The following TTN variants were observed in gnomAD, a reference collection of about 807,000 sequenced individuals.
TTN encodes the protein titin, also known as connectin.
In TTN, 1,525 loss-of-function variants were observed where a neutral mutation model predicts 3,223.0. That is an observed-to-expected ratio of 0.47 (90% CI 0.45 to 0.49). TTN has a LOEUF of 0.49. Among genes scored for constraint, TTN ranks in the 20% least tolerant of loss-of-function variants. The pLI, the probability that TTN is intolerant of heterozygous loss-of-function variation, is 0.00. For synonymous variants in TTN, 14,094 were observed against 15,161.0 expected (o/e 0.93, Z 5.17); for missense variants, 40,786 against 43,424.0 (o/e 0.94, Z 5.40).
In TTN at chr2:178,634,168, C is replaced by T. The variant is rs2060138378; in HGVS notation, c.42416-85G>A. ...TCTAATCTGCCTGAGTAAAAGGGAC[C>T]CATTTCACATGGCACTTATTTATTC... On this transcript the variant is annotated intron_variant, in intron 230 of 362. Transcript: ENST00000589042. This position sits in a 1 kb window ranked among gnomAD's most constrained non-coding sequence, Gnocchi z 4.6. 4 of 1,547,678 alleles carry T rather than the reference C, an allele frequency of 2.6e-6. No individual in the cohort carries two copies. Among genetic ancestry groups the T allele is most frequent in the Admixed American group, 2.2e-5 (1 of 45,956 alleles).
chr2:178,778,421 CAAAGCAAAA>C, intron 24 of TTN: 3 of 231,096 alleles, frequency 1.3e-5, no homozygotes, highest in Non-Finnish European at 2.6e-5. Context: ...GGAAACAAAA[CAAAGCAAAA>C]CAAGACTCCA....
rs1474470920 is a variant in TTN, at chr2:178,531,003, T to G, written c.105612A>C (p.Glu35204Asp). The stretch of plus-strand genomic sequence containing the variant: ...CTGCTTCTTGTTTCCCTTCACTGTT[T>G]TCTACCACCACGCTGTAATTGCCCT... ...SDEGNYSVVV[E>D]NSEGKQEAEF... The change falls in exon 358 of 363, where the codon GAA becomes GAC. Residue 35204 changes from glutamate (E) to aspartate (D), a missense_variant. Coordinates refer to ENST00000589042, the MANE Select transcript of TTN (RefSeq NM_001267550.2). 6.2e-7 allele frequency: 1 copy of G among 1,613,994 alleles called. No homozygotes were observed. The highest frequency in any genetic ancestry group is 8.5e-7 in the Non-Finnish European group (1 of 1,179,892).
At chr2:178,608,935 C>A (rs924542044) in intron 273 of TTN, 27 bp from the exon 274 acceptor site, 9 of 1,589,682 alleles carry the variant, frequency 5.7e-6, no homozygotes, top group African/African-American at 1.4e-5. Context: ...GAACAGTAAT[C>A]AAAAATTTGT....
In TTN at chr2:178,607,915, G is replaced by A. The variant is rs1361834918; in HGVS notation, c.52872C>T (p.Ile17624=). Residue 17624 remains isoleucine (I), a synonymous_variant, in exon 276 of 363, where the codon ATC becomes ATT. Transcript: ENST00000589042. ...NEWSRCTEKM[I]KVRQYTVKEI... ...CTTTGACGGTGTACTGACGGACCTTGATCATCTTCTCTGTGCAGCGTGACC... is the reference window on the plus strand; with the variant it reads ...CTTTGACGGTGTACTGACGGACCTTAATCATCTTCTCTGTGCAGCGTGACC... 1.2e-6 allele frequency: 2 copies of A among 1,613,060 alleles called. No homozygotes were observed. The highest frequency in any genetic ancestry group is 1.7e-6 in the Non-Finnish European group (2 of 1,179,330).
chr2:178,664,129 A>G, intron 168 of TTN, 31 bp from the exon 169 acceptor site: 1 of 1,573,484 alleles, frequency 6.4e-7, no homozygotes, highest in African/African-American at 1.4e-5. Flanking sequence ...TTACACTCAG[A>G]AAATACAGAG....
At chr2:178,751,637 G>C in intron 47 of TTN, 1 of 1,613,316 alleles carries the variant, frequency 6.2e-7, no homozygotes, top group Non-Finnish European at 8.5e-7. Context: ...TGATTCTGCA[G>C]ACCCTTCACT....
rs2064900309 is a variant in TTN, at chr2:178,662,366, G to A, written c.37011C>T (p.Pro12337=). The A allele has an allele frequency of 3.4e-6, 5 of 1,484,150 alleles. No individual in the cohort carries two copies. The highest frequency in any genetic ancestry group is 4.4e-6 in the Non-Finnish European group (5 of 1,126,338). The allele number at this position is 1,484,150 out of a possible 1,614,324, so 91.9% of individuals were successfully genotyped here. The change falls in exon 177 of 363, where the codon CCC becomes CCT. Residue 12337 remains proline (P), a synonymous_variant. Transcript: ENST00000589042. ...GGACAATTGGAGCTTCTGGTTTTTT[G>A]GGTGGAGCCACGGGAATTTCTTTTT... is the stretch of plus-strand genomic sequence containing the variant. ...ATEKEIPVAP[P]KKPEAPIVPV... is the part of the protein sequence containing the mutation.
chr2:178,537,986 T>C, intron 354 of TTN, 69 bp from the exon 355 acceptor site: 1 of 1,342,122 alleles, frequency 7.5e-7, no homozygotes, highest in Non-Finnish European at 1.0e-6. Flanking sequence ...TCCTTGTATA[T>C]CAGGAATGAA....
chr2:178,719,740 G>A lies in TTN; in HGVS notation c.23752C>T (p.Leu7918Phe), dbSNP rs767543848. 3 of 1,613,560 alleles carry A rather than the reference G, an allele frequency of 1.9e-6. No individual in the cohort carries two copies. In the East Asian group the frequency reaches 6.7e-5, roughly 36 times the overall value. The change falls in exon 82 of 363, where the codon CTC becomes TTC. Residue 7918 changes from leucine (L) to phenylalanine (F), a missense_variant. Physicochemically the swap from Leu to Phe is conservative, Grantham distance 22. Coordinates refer to ENST00000589042, the MANE Select transcript of TTN (RefSeq NM_001267550.2). Reference protein sequence around the residue: ...LECVVTGTPELSAKWFKDGRE... With the variant: ...LECVVTGTPEFSAKWFKDGRE... ...CCATCTTTGAACCACTTGGCTGAGA[G>A]TTCTGGTGTTCCAGTCACTACACAC...
In TTN at chr2:178,708,588, G is replaced by T. The variant is rs534093168; in HGVS notation, c.28754-775C>A. ...TTATAAATAGCTTCAGAATTCTATAGAAAGCATTTATCTGCCCATGGTAAA... is the reference window on the plus strand; with the variant it reads ...TTATAAATAGCTTCAGAATTCTATATAAAGCATTTATCTGCCCATGGTAAA... On this transcript the variant is annotated intron_variant, in intron 99 of 362. Coordinates refer to ENST00000589042, the MANE Select transcript of TTN (RefSeq NM_001267550.2). Among the ~76,000 whole-genome samples, 8 of 152,236 alleles carry T rather than the reference G, an allele frequency of 5.3e-5. No individual in the cohort carries two copies. The South Asian group carries it at 1.2e-3, about 24-fold the overall frequency.
Position 178,741,121 on chromosome 2 carries a change from T to G in TTN, c.12112A>C (p.Thr4038Pro). 1 of 1,613,668 alleles carries G rather than the reference T, an allele frequency of 6.2e-7. No individual in the cohort carries two copies. The highest frequency in any genetic ancestry group is 2.2e-5 in the East Asian group (1 of 44,868). ...VLLEDTDMTD[T>P]PCKAKSTPEA... The stretch of plus-strand genomic sequence containing the variant: ...GGTGTGGACTTTGCTTTGCAGGGGG[T>G]ATCAGTCATGTCTGTGTCTTCCAGA... Residue 4038 changes from threonine (T) to proline (P), a missense_variant, in exon 48 of 363, where the codon ACC (threonine) becomes CCC (proline). Transcript: ENST00000589042.
At position 178,582,467 on chromosome 2, in the gene TTN, C is replaced by T. The variant is rs1228774408; in HGVS notation, c.65989G>A (p.Glu21997Lys). The T allele has an allele frequency of 1.2e-6, 2 of 1,612,974 alleles. No homozygotes were observed. Among genetic ancestry groups the T allele is most frequent in the Admixed American group, 3.3e-5 (2 of 59,958 alleles). ...TGAGCCCAGTTGGGCCTGCTTGTTT[C>T]ACGTTTGTCAACAATATAGTTGGTG... Reference protein sequence around the residue: ...EITNYIVDKRETSRPNWAQVS... With the variant: ...EITNYIVDKRKTSRPNWAQVS... Residue 21997 changes from glutamate (E) to lysine (K), a missense_variant, in exon 314 of 363, where the codon GAA becomes AAA. Glu to Lys is a moderately conservative substitution (Grantham distance 56, BLOSUM62 1). Transcript: ENST00000589042.
In TTN at chr2:178,618,283, T is replaced by G; in HGVS notation, c.47175A>C (p.Gly15725=). 1 of 1,612,752 alleles carries G rather than the reference T, an allele frequency of 6.2e-7. No individual in the cohort carries two copies. Among genetic ancestry groups the G allele is most frequent in the Non-Finnish European group, 8.5e-7 (1 of 1,179,168 alleles). Residue 15725 remains glycine, a synonymous_variant, in exon 252 of 363, where the codon GGA becomes GGC. Transcript: ENST00000589042. Reference sequence around the variant, plus strand: ...CACTCACACGGAATAGGTACTCAACTCCTCCTTTCTGTAGACCAGTGACAG... The same window carrying G: ...CACTCACACGGAATAGGTACTCAACGCCTCCTTTCTGTAGACCAGTGACAG... ...EFTVTGLQKG[G]VEYLFRVSAR...
rs555618887 is a variant in TTN, at chr2:178,779,115, C to A, written c.3967G>T (p.Ala1323Ser). 48 of 1,613,756 alleles carry A rather than the reference C, an allele frequency of 3.0e-5. No homozygotes were observed. In the South Asian group the frequency reaches 4.8e-4, roughly 16 times the overall value. The change falls in exon 24 of 363, where the codon GCT (alanine) becomes TCT (serine). Residue 1323 changes from alanine to serine, a missense_variant. Coordinates refer to ENST00000589042, the MANE Select transcript of TTN (RefSeq NM_001267550.2). ...KMSGYPLPKI[A>S]WYKDGKRIKH... ...ATGCGCTTGCCATCTTTGTACCAAG[C>A]AATCTGCAAAGAATACCATGCATGT...
rs372371333 is a variant in TTN, at chr2:178,692,016, C to T, written c.31762G>A (p.Val10588Ile). 2.9e-5 allele frequency: 46 copies of T among 1,611,248 alleles called. No individual in the cohort carries two copies. The highest frequency in any genetic ancestry group is 3.3e-5 in the Non-Finnish European group (39 of 1,178,584). The change falls in exon 121 of 363, where the codon GTC becomes ATC. Residue 10588 changes from valine to isoleucine, a missense_variant and splice_region_variant. By Grantham distance (29) the Val-to-Ile change is conservative. Coordinates refer to ENST00000589042, the MANE Select transcript of TTN (RefSeq NM_001267550.2). ...PKKEPAAPPK[V>I]PEVPKKPVPE... is the part of the protein sequence containing the mutation. ...CTCCCCATCATTGGCTCTGGCGTAC[C>T]TTTTGGGGGAGCAGCAGGTTCCTTC...
At position 178,618,067 on chromosome 2, in the gene TTN, G is replaced by C; in HGVS notation, c.47284C>G (p.Pro15762Ala). 1 of 1,612,186 alleles carries C rather than the reference G, an allele frequency of 6.2e-7. No individual in the cohort carries two copies. The highest frequency in any genetic ancestry group is 2.2e-5 in the East Asian group (1 of 44,572). ...ACATCAGTGATGGTTACATTCAAAGGAGGGCCTGGAACATCTGGATTTCAC... is the reference window on the plus strand; with the variant it reads ...ACATCAGTGATGGTTACATTCAAAGCAGGGCCTGGAACATCTGGATTTCAC... Reference protein sequence around the residue: ...ARSKYDVPGPPLNVTITDVNR... With the variant: ...ARSKYDVPGPALNVTITDVNR... The change falls in exon 253 of 363, where the codon CCT (proline) becomes GCT (alanine). Residue 15762 changes from proline (P) to alanine (A), a missense_variant. Pro to Ala is a conservative substitution (Grantham distance 27). Coordinates refer to ENST00000589042, the MANE Select transcript of TTN (RefSeq NM_001267550.2).
At chr2:178,780,879 C>G (rs982947506) in intron 21 of TTN, among the ~76,000 whole-genome samples, 1 of 152,172 alleles carries the variant, frequency 6.6e-6, no homozygotes, top group African/African-American at 2.4e-5. Context: ...TTTTCAGAGG[C>G]ATGATATGCC....
At chr2:178,678,059 T>G in intron 145 of TTN, 66 bp downstream of exon 145, 1 of 1,560,622 alleles carries the variant, frequency 6.4e-7, no homozygotes, top group Non-Finnish European at 8.7e-7. Context: ...TTAATTATAA[T>G]TAGTAAGGCT....
In TTN at chr2:178,733,116, C is replaced by G. The variant is rs745578038; in HGVS notation, c.16060G>C (p.Asp5354His). ...CETTFTVLDR[D>H]IAPFFTKPLR... ...GGTTTGGTAAAAAATGGAGCAATGT[C>G]TCGATCTGTGTGTTGCACAAGAAGG... Residue 5354 changes from aspartate (D) to histidine (H), a missense_variant, in exon 55 of 363, where the codon GAC becomes CAC. By Grantham distance (81) the Asp-to-His change is moderately conservative. Transcript: ENST00000589042. 27 of 1,588,748 alleles carry G rather than the reference C, an allele frequency of 1.7e-5. No individual in the cohort carries two copies. Among genetic ancestry groups the G allele is most frequent in the African/African-American group, 1.1e-4 (8 of 74,430 alleles).
Sources: allele counts gnomAD v4.1 joint callset (sites outside exome capture counted in the v4.1 genomes callset), GRCh38; gene constraint gnomAD v4.1.1; non-coding constraint Gnocchi (gnomAD v3.1); transcripts MANE v1.5; gene names NCBI Gene and HGNC (gene_info 2026-07-23, HGNC 2026-07-21).